The following INSR variants were observed in gnomAD, a reference collection of about 807,000 sequenced individuals.
The protein encoded by INSR is IR.
INSR carries 67 observed loss-of-function variants against 142.6 expected under a neutral mutation model. The ratio of observed to expected loss-of-function variants is 0.47; its 90% confidence interval spans 0.39 to 0.58. The LOEUF is 0.58. INSR is among the 20% of genes least tolerant of loss of function. The pLI is 0.00. For missense variants in INSR, 1,248 were observed against 1,833.2 expected (o/e 0.68, Z 5.83); for synonymous variants, 756 against 743.1 (o/e 1.02, Z -0.28).
intron 2 of INSR, among the ~76,000 whole-genome samples, chr19:7,242,753 A>AAAC (rs1206598556): frequency 5.3e-5 from 8 of 151,506 alleles, no homozygotes; most frequent in African/African-American, 1.9e-4. Context: ...AAAAAAAAAA[A>AAAC]ACAGCTACAA....
At chr19:7,149,539 T>A (rs1357969191) in intron 11 of INSR, among the ~76,000 whole-genome samples, 1 of 151,998 alleles carries the variant, frequency 6.6e-6, no homozygotes, top group South Asian at 2.1e-4. Context: ...GAAACGTCCC[T>A]GGCCAGGGGC....
At chr19:7,185,870 G>A (rs374791153) in intron 2 of INSR, among the ~76,000 whole-genome samples, 224 of 103,984 alleles carry the variant, frequency 2.2e-3, no homozygotes, top group African/African-American at 7.7e-3. Flanking sequence ...GAGAGAGAGA[G>A]ACAAAGAGAG....
intron 2 of INSR, among the ~76,000 whole-genome samples, chr19:7,226,026 GACA>G (rs1192971433): frequency 1.3e-5 from 2 of 152,216 alleles, no homozygotes; most frequent in African/African-American, 2.4e-5. Context: ...AAGCCAAGAT[GACA>G]ACGTCTCTGA....
intron 1 of INSR, among the ~76,000 whole-genome samples, chr19:7,290,110 G>A (rs1348485880): frequency 1.3e-5 from 2 of 152,144 alleles, no homozygotes; most frequent in Non-Finnish European, 2.9e-5. Flanking sequence ...CAAAGAATAA[G>A]AATAACTGCA....
intron 2 of INSR, among the ~76,000 whole-genome samples, chr19:7,237,093 G>A (rs1418478757): frequency 6.6e-6 from 1 of 151,578 alleles, no homozygotes; most frequent in Non-Finnish European, 1.5e-5. Flanking sequence ...AAGTGAGTGA[G>A]GGATAAAAGA....
intron 9 of INSR, 99 bp from the exon 10 acceptor site, chr19:7,153,026 CCACA>C (rs1182389229): frequency 5.4e-5 from 26 of 481,644 alleles, no homozygotes; most frequent in African/African-American, 4.5e-4. Context: ...CACACACACA[CCACA>C]CACACACACA....
At position 7,174,740 on chromosome 19, in the gene INSR, G is replaced by A. The variant is rs772685819; in HGVS notation, c.975-9C>T. 23 of 1,612,182 alleles carry A rather than the reference G, an allele frequency of 1.4e-5. No individual in the cohort carries two copies. Among genetic ancestry groups the A allele is most frequent in the Middle Eastern group, 1.6e-4 (1 of 6,078 alleles). ...ATGGGGTGCACAGCAAGCTAAGGAC[G>A]GAGCAGAGAGAGAGAGAAAGAGAAA... On this transcript the variant is annotated splice_polypyrimidine_tract_variant and intron_variant, in intron 3 of 21. Coordinates refer to ENST00000302850, the MANE Select transcript of INSR (RefSeq NM_000208.4).
chr19:7,285,377 G>A (rs958508276), intron 1 of INSR, among the ~76,000 whole-genome samples: 2 of 152,122 alleles, frequency 1.3e-5, no homozygotes, highest in African/African-American at 4.8e-5. Flanking sequence ...TTGAGCCCAG[G>A]AAGCAGAGGT....
chr19:7,172,455 C>T, intron 4 of INSR, 21 bp from the exon 5 acceptor site: 1 of 1,612,606 alleles, frequency 6.2e-7, no homozygotes, highest in Non-Finnish European at 8.5e-7. Flanking sequence ...GAGAGAATAT[C>T]CAGTGGGTTT....
intron 2 of INSR, among the ~76,000 whole-genome samples, chr19:7,231,073 A>G (rs1975958098): frequency 6.6e-6 from 1 of 152,164 alleles, no homozygotes; most frequent in Non-Finnish European, 1.5e-5. Flanking sequence ...GCCAGGAGCC[A>G]GGAGCCACAC....
At chr19:7,287,541 T>C (rs935072106) in intron 1 of INSR, among the ~76,000 whole-genome samples, 3 of 152,150 alleles carry the variant, frequency 2.0e-5, no homozygotes, top group African/African-American at 7.2e-5. Flanking sequence ...ACCAGTTATA[T>C]TTTGGGTTCT....
At chr19:7,206,282 C>T (rs1359130185) in intron 2 of INSR, among the ~76,000 whole-genome samples, 1 of 152,138 alleles carries the variant, frequency 6.6e-6, no homozygotes, top group African/African-American at 2.4e-5. Flanking sequence ...ATCTTCCCAC[C>T]TCAGCCTCCC....
In INSR at chr19:7,222,858, A is replaced by G. The variant is rs36106108; in HGVS notation, c.653-38221T>C. 0.012 allele frequency among the ~76,000 whole-genome samples: 1,869 copies of G among 152,256 alleles called. 65 individuals carry two copies. The East Asian group carries it at 0.13, about 11-fold the overall frequency. ...GGGACAGGGAGGCCAGCTCCCTTGC[A>G]AAAAAGGCAAAGAGGGAGGCCAGTG... On this transcript the variant is annotated intron_variant, in intron 2 of 21. Transcript: ENST00000302850.
rs370936908 is a variant in INSR at position 7,244,931 on chromosome 19, CT to C, written c.652+22413del. On this transcript the variant is annotated intron_variant, in intron 2 of 21. Coordinates refer to ENST00000302850, the MANE Select transcript of INSR (RefSeq NM_000208.4). ...ATGGGTTTTTTTGTTTTTGTTTTTG[CT>C]TTTTTTTTTTTTTTTTTTTTCAAGA... Among the ~76,000 whole-genome samples, 399 of 88,012 alleles carry C rather than the reference CT, an allele frequency of 4.5e-3. No individual in the cohort carries two copies. In the East Asian group the frequency reaches 0.047, roughly 10 times the overall value. The allele number at this position is 88,012 out of a possible 152,430, so 57.7% of individuals were successfully genotyped here.
chr19:7,144,458 C>T (rs1289181670), intron 11 of INSR, among the ~76,000 whole-genome samples: 1 of 152,130 alleles, frequency 6.6e-6, no homozygotes, highest in Non-Finnish European at 1.5e-5. Context: ...GGCTGGAGTG[C>T]GACGGCGTGA....
chr19:7,172,869 C>T (rs1335530057), intron 4 of INSR, among the ~76,000 whole-genome samples: 10 of 87,858 alleles, frequency 1.1e-4, no homozygotes, highest in Non-Finnish European at 1.9e-4. Context: ...CCTGTCTCTA[C>T]TAAAACTACA....
intron 1 of INSR, among the ~76,000 whole-genome samples, chr19:7,271,404 G>A (rs1270319740): frequency 1.3e-5 from 2 of 152,032 alleles, no homozygotes; most frequent in African/African-American, 2.4e-5. Flanking sequence ...GGAGTCTGAG[G>A]CAGGAGAATC....
chr19:7,289,405 C>CTTTTTTTTTTTT (rs777933899), intron 1 of INSR, among the ~76,000 whole-genome samples: 1 of 130,220 alleles, frequency 7.7e-6, no homozygotes, highest in Non-Finnish European at 1.7e-5. Context: ...TTTTTCTTTT[C>CTTTTTTTTTTTT]TTTTTTTTTT....
intron 10 of INSR, chr19:7,152,279 T>C: frequency 1.1e-5 from 3 of 272,470 alleles, no homozygotes; most frequent in South Asian, 7.2e-5. Context: ...TAGTCCCAGC[T>C]ACTTGGGAGG....
Sources: gnomAD v4.1 joint callset for allele counts (sites outside exome capture counted in the v4.1 genomes callset) on GRCh38, gnomAD v4.1.1 for gene constraint, MANE v1.5 for transcripts, NCBI Gene and HGNC (gene_info 2026-07-23, HGNC 2026-07-21) for gene names.